Variants in CNBD2 observed in about 807,000 individuals in gnomAD.
CNBD2 encodes cyclic nucleotide binding domain containing 2, also known as cyclic nucleotide-binding domain-containing protein 2.
A neutral mutation model predicts 63.7 loss-of-function variants in CNBD2; 64 were observed. The observed-to-expected ratio is 1.00, with a 90% confidence interval of 0.82 to 1.24. CNBD2 has a LOEUF of 1.24. CNBD2 is among the 50% of genes most tolerant of loss of function. The probability of loss-of-function intolerance (pLI) is 0.00; values close to 1 mark genes in which losing one functional copy is unlikely to be tolerated. For missense variants in CNBD2, 691 were observed against 713.5 expected, an observed-to-expected ratio of 0.97 and a Z score of 0.36; for synonymous variants, 229 against 255.4, an observed-to-expected ratio of 0.90 and a Z score of 0.99.
intron 11 of CNBD2, among the ~76,000 whole-genome samples, chr20:36,024,319 A>G (rs1422592753): frequency 6.6e-6 from 1 of 151,908 alleles, no homozygotes; most frequent in Non-Finnish European, 1.5e-5. Context: ...TGGGTAACAG[A>G]GTGAAACTGT....
At chr20:35,954,471 C>T, upstream of CNBD2, 2 of 1,547,386 alleles carry the variant, frequency 1.3e-6, no homozygotes. Flanking sequence ...GCGCCTGCGG[C>T]AGCCGGAAGC....
At chr20:35,971,166 C>A (rs2056411672) in intron 1 of CNBD2, among the ~76,000 whole-genome samples, 1 of 151,154 alleles carries the variant, frequency 6.6e-6, no homozygotes, top group Admixed American at 6.6e-5. Flanking sequence ...CCGGGATGGT[C>A]TCGATCTCCT....
intron 8 of CNBD2, among the ~76,000 whole-genome samples, chr20:35,996,999 A>G (rs1385291776): frequency 6.6e-6 from 1 of 152,220 alleles, no homozygotes; most frequent in Non-Finnish European, 1.5e-5. Context: ...GTTGTTGGAC[A>G]TAGACGTTGT....
intron 9 of CNBD2, among the ~76,000 whole-genome samples, chr20:36,008,965 A>G (rs1168553485): frequency 1.3e-5 from 2 of 151,720 alleles, no homozygotes; most frequent in Non-Finnish European, 2.9e-5. Flanking sequence ...GGTAGATAAT[A>G]GCATCTAACT....
chr20:35,954,640 C>T (rs1477825461), upstream of CNBD2: 16 of 1,299,006 alleles, frequency 1.2e-5, no homozygotes, highest in Non-Finnish European at 1.4e-5. Flanking sequence ...TGGGCTCCTT[C>T]CGAATGGTGG....
intron 10 of CNBD2, among the ~76,000 whole-genome samples, chr20:36,017,714 T>C (rs1400191311): frequency 2.0e-5 from 3 of 152,208 alleles, no homozygotes; most frequent in African/African-American, 2.4e-5. Flanking sequence ...ACAGTGCCAG[T>C]GTTCCGTTAA....
intron 8 of CNBD2, among the ~76,000 whole-genome samples, chr20:35,998,921 A>C (rs1048996463): frequency 6.6e-6 from 1 of 151,254 alleles, no homozygotes; most frequent in Non-Finnish European, 1.5e-5. Flanking sequence ...AGTTGTTAAA[A>C]TCTCCAGCCA....
At chr20:35,977,293 C>T (rs1418820456) in intron 3 of CNBD2, among the ~76,000 whole-genome samples, 4 of 152,178 alleles carry the variant, frequency 2.6e-5, no homozygotes, top group Non-Finnish European at 5.9e-5. Flanking sequence ...AGTAGAGAGC[C>T]AATTTATCCT....
At chr20:36,026,347 G>A (rs1038498111) in intron 11 of CNBD2, among the ~76,000 whole-genome samples, 16 of 152,034 alleles carry the variant, frequency 1.1e-4, no homozygotes, top group African/African-American at 3.4e-4. Flanking sequence ...CCCCCACTTC[G>A]GGACCACCAA....
At chr20:36,020,708 A>T (rs1252297857) in intron 10 of CNBD2, among the ~76,000 whole-genome samples, 2 of 152,164 alleles carry the variant, frequency 1.3e-5, no homozygotes, top group Non-Finnish European at 1.5e-5. Flanking sequence ...TCTCCAGAGT[A>T]GGAGCTGGCT....
At chr20:35,980,716 C>A in intron 4 of CNBD2, 94 bp downstream of exon 4, 1 of 1,158,102 alleles carries the variant, frequency 8.6e-7, no homozygotes, top group Non-Finnish European at 1.2e-6. Flanking sequence ...GCCCACCCCT[C>A]TGCATAATGT....
upstream of CNBD2, among the ~76,000 whole-genome samples, chr20:35,964,851 C>T (rs1247919942): frequency 4.6e-5 from 7 of 151,518 alleles, no homozygotes; most frequent in East Asian, 2.0e-4. Context: ...TACAGGTTCC[C>T]GCTATAAAGC....
At chr20:36,021,103 G>A (rs1345122390) in intron 10 of CNBD2, among the ~76,000 whole-genome samples, 1 of 152,130 alleles carries the variant, frequency 6.6e-6, no homozygotes, top group African/African-American at 2.4e-5. Context: ...GGCCCAGGAG[G>A]TACTGTGTGC....
At chr20:36,022,106 T>A (rs2057218242) in intron 10 of CNBD2, among the ~76,000 whole-genome samples, 1 of 151,062 alleles carries the variant, frequency 6.6e-6, no homozygotes, top group Non-Finnish European at 1.5e-5. Context: ...CCTCTCTGAT[T>A]GAAATGATTC....
chr20:35,962,268 T>TTC (rs1478995367), intron 2 of CNBD2, among the ~76,000 whole-genome samples: 6 of 150,334 alleles, frequency 4.0e-5, no homozygotes, highest in Non-Finnish European at 8.9e-5. Context: ...TTTTTTTTTT[T>TTC]TTTTTTTTGA....
intron 8 of CNBD2, among the ~76,000 whole-genome samples, chr20:35,996,473 A>C (rs917893400): frequency 1.3e-4 from 20 of 151,552 alleles, no homozygotes; most frequent in African/African-American, 4.1e-4. Context: ...GACTGTTTAT[A>C]CATATTGCAT....
chr20:35,988,001 C>A (rs895701890), intron 7 of CNBD2, among the ~76,000 whole-genome samples: 2 of 152,102 alleles, frequency 1.3e-5, no homozygotes, highest in Admixed American at 6.5e-5. Flanking sequence ...TCCTGAGTAG[C>A]TGAGATTACA....
chr20:36,028,419 C>T (rs2057305914), intron 11 of CNBD2, among the ~76,000 whole-genome samples: 2 of 152,134 alleles, frequency 1.3e-5, no homozygotes, highest in African/African-American at 4.8e-5. Flanking sequence ...GCTCAAATCC[C>T]TCACGTTTTA....
At chr20:35,972,097 T>C (rs2056427422) in intron 1 of CNBD2, among the ~76,000 whole-genome samples, 1 of 152,200 alleles carries the variant, frequency 6.6e-6, no homozygotes, top group African/African-American at 2.4e-5. Context: ...GATGTTCTTG[T>C]TCTAAAATCA....
Sources: allele counts gnomAD v4.1 joint callset (sites outside exome capture counted in the v4.1 genomes callset), GRCh38; gene constraint gnomAD v4.1.1; transcripts MANE v1.5; gene names NCBI Gene and HGNC (gene_info 2026-07-23, HGNC 2026-07-21).